POLR1E: variants seen among roughly 807,000 people sequenced by gnomAD.
The protein encoded by POLR1E is RNA polymerase I subunit E.
In POLR1E, 37 loss-of-function variants were observed where a neutral mutation model predicts 50.9. That is an observed-to-expected ratio of 0.73 (90% CI 0.56 to 0.96). The LOEUF (loss-of-function observed/expected upper bound fraction) is 0.96. Among genes scored for constraint, POLR1E ranks in the 40% least tolerant of loss-of-function variants. The probability of loss-of-function intolerance (pLI) is 0.00; values close to 1 mark genes in which losing one functional copy is unlikely to be tolerated. For synonymous variants in POLR1E, 166 were observed against 191.6 expected, an observed-to-expected ratio of 0.87 and a Z score of 1.10; for missense variants, 426 against 518.1, an observed-to-expected ratio of 0.82 and a Z score of 1.73.
intron 9 of POLR1E, 84 bp from the exon 10 acceptor site, chr9:37,500,756 T>A: frequency 9.4e-7 from 1 of 1,065,436 alleles, no homozygotes; most frequent in South Asian, 1.3e-5. Flanking sequence ...GTGGCCCAGC[T>A]GTTGGCCTTT....
chr9:37,493,919 G>A (rs1820740761), intron 6 of POLR1E, among the ~76,000 whole-genome samples: 1 of 152,184 alleles, frequency 6.6e-6, no homozygotes, highest in Non-Finnish European at 1.5e-5. Flanking sequence ...TACAGGGACA[G>A]GCATGGAATG....
At chr9:37,493,453 G>T in intron 5 of POLR1E, 106 bp from the exon 6 acceptor site, 1 of 995,174 alleles carries the variant, frequency 1.0e-6, no homozygotes, top group Non-Finnish European at 1.4e-6. Flanking sequence ...TCACAGGTGA[G>T]GTAGTGATCA....
chr9:37,493,040 C>T (rs940965021), intron 5 of POLR1E, among the ~76,000 whole-genome samples: 8 of 152,166 alleles, frequency 5.3e-5, no homozygotes, highest in African/African-American at 1.9e-4. Context: ...AGCCTGAAAA[C>T]ATTCACGTTA....
chr9:37,495,943 A>AACGTC lies in POLR1E; in HGVS notation c.716_720dup (p.Glu241ArgfsTer6). The AACGTC allele has an allele frequency of 6.2e-7, 1 of 1,614,100 alleles. No individual in the cohort carries two copies. The highest frequency in any genetic ancestry group is 1.1e-5 in the South Asian group (1 of 91,082). On this transcript the variant is annotated frameshift_variant, in exon 8 of 12. Coordinates refer to ENST00000377798, the MANE Select transcript of POLR1E (RefSeq NM_022490.4). LOFTEE classifies it high-confidence loss of function. ...TCAGAGCCCATCTGAAGCTTTCAGG[A>AACGTC]ACGTCACGTCAGAAGAAATACTGAA...
intron 1 of POLR1E, chr9:37,486,346 G>T: frequency 7.0e-7 from 1 of 1,426,076 alleles, no homozygotes; most frequent in Non-Finnish European, 9.4e-7. Flanking sequence ...CCAGAGCTGT[G>T]TCCAGGACCC....
chr9:37,502,925 A>G, intron 11 of POLR1E, 118 bp from the exon 12 acceptor site: 1 of 1,137,770 alleles, frequency 8.8e-7, no homozygotes, highest in Non-Finnish European at 1.2e-6. Context: ...CCTGCTGGCA[A>G]CCTTTGGGAT....
intron 1 of POLR1E, chr9:37,486,324 C>G (rs1040345991): frequency 7.4e-7 from 1 of 1,342,614 alleles, no homozygotes; most frequent in African/African-American, 1.5e-5. Flanking sequence ...GGACATCCCA[C>G]TCACCCGCTC....
intron 8 of POLR1E, among the ~76,000 whole-genome samples, chr9:37,496,440 C>T (rs568307630): frequency 9.9e-4 from 151 of 151,994 alleles, no homozygotes; most frequent in Middle Eastern, 6.8e-3. Flanking sequence ...ATTTCCTTCT[C>T]CCTCCCCTTT....
chr9:37,501,096 C>T (rs1820880097), intron 10 of POLR1E, among the ~76,000 whole-genome samples, 175 bp downstream of exon 10: 1 of 152,224 alleles, frequency 6.6e-6, no homozygotes, highest in Admixed American at 6.5e-5. Flanking sequence ...CTAAATATGA[C>T]ATACTCTGCC....
intron 2 of POLR1E, among the ~76,000 whole-genome samples, chr9:37,487,185 A>T (rs1820592501): frequency 6.6e-6 from 1 of 152,218 alleles, no homozygotes; most frequent in Non-Finnish European, 1.5e-5. Context: ...ATTAGATGCC[A>T]GTAGCACCAG....
chr9:37,503,084 AAAG>A lies in POLR1E; in HGVS notation c.1146_1148del (p.Arg383del), dbSNP rs1238166291. On this transcript the variant is annotated inframe_deletion, in exon 12 of 12. Transcript: ENST00000377798. Reference sequence around the variant, plus strand: ...AAAGCCATGAGGCTGAAGATCTCCAAAAGAAGGGTGTCTGTGGCCGCCGGCAGT... The same window carrying A: ...AAAGCCATGAGGCTGAAGATCTCCAAAAGGGTGTCTGTGGCCGCCGGCAGT... The A allele has an allele frequency of 1.9e-6, 3 of 1,613,854 alleles. No individual in the cohort carries two copies. The highest frequency in any genetic ancestry group is 2.5e-6 in the Non-Finnish European group (3 of 1,179,972).
At chr9:37,501,114 GA>G (rs944333154) in intron 10 of POLR1E, among the ~76,000 whole-genome samples, 193 bp downstream of exon 10, 1 of 152,184 alleles carries the variant, frequency 6.6e-6, no homozygotes, top group Non-Finnish European at 1.5e-5. Context: ...GCCCTTCTTA[GA>G]AAAGTATTAC....
At chr9:37,495,758 A>G (rs781475349) in intron 7 of POLR1E, 132 bp from the exon 8 acceptor site, 68 of 646,856 alleles carry the variant, frequency 1.1e-4, no homozygotes, top group Middle Eastern at 5.3e-4. Flanking sequence ...CTCTGCCCCT[A>G]TGTGATCTGC....
chr9:37,493,569 G>C lies in POLR1E; in HGVS notation c.413G>C (p.Cys138Ser). 1 of 1,602,394 alleles carries C rather than the reference G, an allele frequency of 6.2e-7. No individual in the cohort carries two copies. Among genetic ancestry groups the C allele is most frequent in the Non-Finnish European group, 8.5e-7 (1 of 1,173,486 alleles). The change falls in exon 6 of 12, where the codon TGT becomes TCT. Residue 138 changes from cysteine to serine, a missense_variant. By Grantham distance (112) the Cys-to-Ser change is moderately radical. Transcript: ENST00000377798. The part of the protein sequence containing the change: ...TKTYREKMDS[C>S]IEAFGTTKQK... ...TTATCTCATAAACAGATGGATTCTT[G>C]TATTGAAGCCTTTGGTACCACCAAA... is the stretch of plus-strand genomic sequence containing the variant.
At chr9:37,497,346 C>A (rs1004188290) in intron 8 of POLR1E, among the ~76,000 whole-genome samples, 1 of 152,184 alleles carries the variant, frequency 6.6e-6, no homozygotes, top group African/African-American at 2.4e-5. Flanking sequence ...CAGAGTGAGA[C>A]TCAGTCTCAA....
rs1016839537 is a variant in POLR1E at position 37,497,666 on chromosome 9, T to G, written c.753-425T>G. Reference sequence around the variant, plus strand: ...TGTATGGCCTCCAAAGCCTAAAATATTTACTGTCTAGCCCTTTATTCATCC... The same window carrying G: ...TGTATGGCCTCCAAAGCCTAAAATAGTTACTGTCTAGCCCTTTATTCATCC... On this transcript the variant is annotated intron_variant, in intron 8 of 11. Transcript: ENST00000377798. Among the ~76,000 whole-genome samples, 10 of 152,226 alleles carry G rather than the reference T, an allele frequency of 6.6e-5. No individual in the cohort carries two copies. In the East Asian group the frequency reaches 1.9e-3, roughly 29 times the overall value.
intron 6 of POLR1E, among the ~76,000 whole-genome samples, chr9:37,493,986 G>A (rs1820742230): frequency 1.3e-5 from 2 of 152,286 alleles, no homozygotes; most frequent in South Asian, 4.1e-4. Context: ...GCACAGAGGA[G>A]GGAGAAGGCC....
chr9:37,494,607 T>G (rs1002183180), intron 6 of POLR1E, among the ~76,000 whole-genome samples: 23 of 151,810 alleles, frequency 1.5e-4, no homozygotes, highest in African/African-American at 5.6e-4. Flanking sequence ...TCAGCTAATT[T>G]TTTTAGTTTT....
At chr9:37,489,277 T>C in intron 3 of POLR1E, 38 bp from the exon 4 acceptor site, 1 of 1,421,832 alleles carries the variant, frequency 7.0e-7, no homozygotes, top group Non-Finnish European at 9.7e-7. Context: ...TGCTTTTGAA[T>C]AATCCATTGT....
Sources: allele counts gnomAD v4.1 joint callset (sites outside exome capture counted in the v4.1 genomes callset), GRCh38; gene constraint gnomAD v4.1.1; transcripts MANE v1.5; gene names NCBI Gene and HGNC (gene_info 2026-07-23, HGNC 2026-07-21).